Variants in GALNT13 observed in about 807,000 individuals in gnomAD.
GALNT13 encodes the protein polypeptide N-acetylgalactosaminyltransferase 13, also known as UDP-GalNAc:polypeptide N-acetylgalactosaminyltransferase 13.
Under a neutral mutation model 64.2 loss-of-function variants are expected in GALNT13, and 28 were observed. The observed-to-expected ratio is 0.44, with a 90% CI of 0.32 to 0.60. The LOEUF is 0.60. Ranked by LOEUF, GALNT13 falls within the 20% of genes least tolerant of loss-of-function variation. The pLI is 0.05. For synonymous variants in GALNT13, 214 were observed against 224.6 expected (o/e 0.95, Z 0.42); for missense variants, 577 against 669.8 (o/e 0.86, Z 1.53).
the GALNT13 span, among the ~76,000 whole-genome samples, chr2:153,817,096 G>T: frequency 5.9e-5 from 9 of 152,198 alleles, no homozygotes. Context: ...TAAAAGAAGT[G>T]CTACATTTAA....
chr2:154,408,956 TC>T (rs566951159), intron 10 of GALNT13, 27 bp from the exon 11 acceptor site: 292 of 1,347,972 alleles, frequency 2.2e-4, no homozygotes, highest in Non-Finnish European at 2.8e-4. Context: ...TTATGTTTTA[TC>T]CCCCCCCTTT....
chr2:153,945,506 T>G (rs1448135886), intron 3 of GALNT13, among the ~76,000 whole-genome samples: 1 of 152,168 alleles, frequency 6.6e-6, no homozygotes, highest in African/African-American at 2.4e-5. Context: ...AAAGCAAGCT[T>G]CAATTGAAGT....
chr2:153,515,786 C>T, the GALNT13 span, among the ~76,000 whole-genome samples: 1 of 151,778 alleles, frequency 6.6e-6, no homozygotes, highest in South Asian at 2.1e-4. Context: ...GTGTTCCCTG[C>T]TAAGAGAATG....
chr2:153,648,329 T>A, the GALNT13 span, among the ~76,000 whole-genome samples: 3 of 152,194 alleles, frequency 2.0e-5, no homozygotes, highest in Admixed American at 2.0e-4. Flanking sequence ...ATCCTGAGAC[T>A]TTGCTGAAGT....
At chr2:154,456,549 A>G (rs707090), downstream of GALNT13, among the ~76,000 whole-genome samples, 23,275 of 152,060 alleles carry the variant, frequency 0.15, 1,860 homozygotes, top group East Asian at 0.3. Flanking sequence ...TTAAGTGCCT[A>G]TGAATATCTC....
At chr2:154,378,292 C>G (rs1037054826) in intron 9 of GALNT13, among the ~76,000 whole-genome samples, 1 of 152,094 alleles carries the variant, frequency 6.6e-6, no homozygotes, top group Non-Finnish European at 1.5e-5. Context: ...ACTGAGACTC[C>G]TTGGTTGACT....
At chr2:153,733,371 G>C in the GALNT13 span, among the ~76,000 whole-genome samples, 1 of 151,944 alleles carries the variant, frequency 6.6e-6, no homozygotes, top group Non-Finnish European at 1.5e-5. Context: ...AAGATGGCAG[G>C]GTCTGTATTT....
the GALNT13 span, among the ~76,000 whole-genome samples, chr2:153,205,664 A>G: frequency 4.6e-5 from 7 of 152,208 alleles, no homozygotes; most frequent in South Asian, 8.3e-4. Flanking sequence ...CTTCATTCCA[A>G]TAAGCCTTGC....
the GALNT13 span, among the ~76,000 whole-genome samples, chr2:153,848,289 TTAG>T: frequency 6.6e-6 from 1 of 152,134 alleles, no homozygotes; most frequent in African/African-American, 2.4e-5. Flanking sequence ...TTGCTCACTG[TTAG>T]TAGCAAAGAA....
At chr2:153,416,926 A>C in the GALNT13 span, among the ~76,000 whole-genome samples, 1 of 152,194 alleles carries the variant, frequency 6.6e-6, no homozygotes. Context: ...GACCTTAGAA[A>C]GGGACCATGG....
intron 11 of GALNT13, among the ~76,000 whole-genome samples, chr2:154,420,095 G>A (rs974543723): frequency 7.9e-5 from 12 of 151,946 alleles, no homozygotes; most frequent in South Asian, 4.1e-4. Context: ...AAAGCAGAAC[G>A]TTTAATACTA....
intron 11 of GALNT13, among the ~76,000 whole-genome samples, chr2:154,422,804 G>A (rs1037694864): frequency 2.5e-4 from 38 of 152,128 alleles, no homozygotes; most frequent in Non-Finnish European, 4.4e-5. Flanking sequence ...GAGAGCAAGT[G>A]CCACTTCTGG....
the GALNT13 span, among the ~76,000 whole-genome samples, chr2:153,133,526 A>ATG: frequency 2.0e-5 from 3 of 151,852 alleles, no homozygotes; most frequent in African/African-American, 7.3e-5. Flanking sequence ...TCACCCATTT[A>ATG]TGTGTCTCCA....
chr2:154,050,879 G>A (rs1197611111), intron 3 of GALNT13, among the ~76,000 whole-genome samples: 1 of 152,074 alleles, frequency 6.6e-6, no homozygotes, highest in South Asian at 2.1e-4. Flanking sequence ...TTGTTTAAAG[G>A]ATTAAAAGAA....
intron 4 of GALNT13, among the ~76,000 whole-genome samples, chr2:154,179,156 C>T (rs183678504): frequency 1.3e-5 from 2 of 152,238 alleles, no homozygotes; most frequent in South Asian, 2.1e-4. Flanking sequence ...TAACTCTACC[C>T]CAGGTATGTT....
At position 153,883,957 on chromosome 2, in the gene GALNT13, T is replaced by C. The variant is rs1034437852; in HGVS notation, c.-177+11654T>C. Among the ~76,000 whole-genome samples the C allele has an allele frequency of 2.0e-5, 3 of 152,004 alleles. 1 individual carries two copies. Among genetic ancestry groups the C allele is most frequent in the Non-Finnish European group, 4.4e-5 (3 of 67,962 alleles). ...GTGGTGATAGAACAAAATGCAAATATTATCAAGACTGACAATGTCACGATA... is the reference window on the plus strand; with the variant it reads ...GTGGTGATAGAACAAAATGCAAATACTATCAAGACTGACAATGTCACGATA... On this transcript the variant is annotated intron_variant, in intron 1 of 12. Transcript: ENST00000392825.
intron 9 of GALNT13, among the ~76,000 whole-genome samples, chr2:154,385,975 C>T (rs1439687069): frequency 1.3e-5 from 2 of 151,976 alleles, no homozygotes; most frequent in East Asian, 3.9e-4. Flanking sequence ...AAATGCAAAA[C>T]AATAGCAACA....
chr2:153,529,548 C>T, the GALNT13 span, among the ~76,000 whole-genome samples: 1 of 151,972 alleles, frequency 6.6e-6, no homozygotes, highest in Non-Finnish European at 1.5e-5. Flanking sequence ...GGGATTACTT[C>T]CTAACTCATT....
chr2:154,390,818 T>C (rs1698756918), intron 9 of GALNT13, among the ~76,000 whole-genome samples: 1 of 152,212 alleles, frequency 6.6e-6, no homozygotes. Flanking sequence ...CAAGTTCCAT[T>C]GAAAGACTTG....
Sources: gnomAD v4.1 joint callset for allele counts (sites outside exome capture counted in the v4.1 genomes callset) on GRCh38, gnomAD v4.1.1 for gene constraint, MANE v1.5 for transcripts, NCBI Gene and HGNC (gene_info 2026-07-23, HGNC 2026-07-21) for gene names.